The following MACF1 variants were observed in gnomAD, a reference collection of about 807,000 sequenced individuals.
The protein encoded by MACF1 is microtubule actin crosslinking factor 1, also known as microtubule-actin cross-linking factor 1.
In MACF1, 193 loss-of-function variants were observed where a neutral mutation model predicts 854.8. The ratio of observed to expected loss-of-function variants is 0.23; its 90% CI spans 0.20 to 0.25. The LOEUF is 0.25. MACF1 is among the 10% of genes least tolerant of loss of function. MACF1 has a pLI of 1.00. For synonymous variants in MACF1, 3,185 were observed against 3,226.7 expected, an observed-to-expected ratio of 0.99 and a Z score of 0.44; for missense variants, 7,722 against 8,929.1, an observed-to-expected ratio of 0.86 and a Z score of 5.45.
At chr1:39,168,570 C>G (rs1224400143) in intron 2 of MACF1, among the ~76,000 whole-genome samples, 2 of 152,144 alleles carry the variant, frequency 1.3e-5, no homozygotes, top group Non-Finnish European at 2.9e-5. Context: ...CTCAAACTAT[C>G]TTCCCGCCTC....
At chr1:39,149,477 G>A (rs11587807) in intron 2 of MACF1, among the ~76,000 whole-genome samples, 2 of 152,094 alleles carry the variant, frequency 1.3e-5, no homozygotes, top group South Asian at 2.1e-4. Context: ...GCTGTGAGCC[G>A]AGATCGTGCC....
rs557887367 is a variant in MACF1 at position 39,398,427 on chromosome 1, C to T, written c.15816+9769C>T. Among the ~76,000 whole-genome samples, 4 of 152,220 alleles carry T rather than the reference C, an allele frequency of 2.6e-5. No homozygotes were observed. The South Asian group carries it at 6.2e-4, about 24-fold the overall frequency. On this transcript the variant is annotated intron_variant, in intron 58 of 100. Transcript: ENST00000564288. ...GTGCTGGTATTACAGGAATGAGCCA[C>T]AGTGCCTGGCCCAGAGACATTTTTT...
At chr1:39,475,143 A>C (rs1041470617) in intron 97 of MACF1, among the ~76,000 whole-genome samples, 2 of 152,180 alleles carry the variant, frequency 1.3e-5, no homozygotes, top group African/African-American at 4.8e-5. Flanking sequence ...AATTTGGGAG[A>C]TGCCAAGTTA....
chr1:39,120,224 A>G (rs1202692471), intron 2 of MACF1, among the ~76,000 whole-genome samples: 1 of 152,072 alleles, frequency 6.6e-6, no homozygotes, highest in African/African-American at 2.4e-5. Flanking sequence ...TCTATTTCAT[A>G]GAATTTTAAA....
chr1:39,149,658 G>A (rs954264123), intron 2 of MACF1, among the ~76,000 whole-genome samples: 5 of 152,174 alleles, frequency 3.3e-5, no homozygotes, highest in African/African-American at 4.8e-5. Context: ...GCTGTGACAT[G>A]CTCCGGTGGA....
intron 97 of MACF1, among the ~76,000 whole-genome samples, chr1:39,476,415 G>A (rs1022141530): frequency 4.6e-5 from 7 of 151,962 alleles, no homozygotes; most frequent in South Asian, 2.1e-4. Flanking sequence ...CTAAAAATAC[G>A]AAAAATTAGC....
chr1:39,156,122 G>T (rs938803861), intron 2 of MACF1, among the ~76,000 whole-genome samples: 29 of 152,036 alleles, frequency 1.9e-4, no homozygotes, highest in Admixed American at 1.2e-3. Context: ...TGATCCGCCT[G>T]CCTCGGCCTC....
intron 79 of MACF1, 51 bp from the exon 80 acceptor site, chr1:39,444,611 T>G (rs1570105768): frequency 2.6e-6 from 4 of 1,512,976 alleles, no homozygotes; most frequent in Non-Finnish European, 3.6e-6. Flanking sequence ...TATATGTAGG[T>G]GTCTTCCAGA....
At chr1:39,432,031 G>T (rs552937631) in intron 66 of MACF1, among the ~76,000 whole-genome samples, 1 of 152,172 alleles carries the variant, frequency 6.6e-6, no homozygotes, top group South Asian at 2.1e-4. Flanking sequence ...TAACAGTCAC[G>T]TAGAACATGT....
chr1:39,403,388 C>T (rs1273336464), intron 58 of MACF1, among the ~76,000 whole-genome samples: 2 of 152,078 alleles, frequency 1.3e-5, no homozygotes, highest in South Asian at 4.1e-4. Flanking sequence ...TGTGAGCCAC[C>T]ACGCCTGGCC....
intron 21 of MACF1, among the ~76,000 whole-genome samples, chr1:39,298,960 C>T (rs558788159): frequency 3.9e-5 from 6 of 152,144 alleles, no homozygotes; most frequent in South Asian, 2.1e-4. Flanking sequence ...GCGGCGTCAT[C>T]GGGGCATGGA....
At chr1:39,459,812 T>C in intron 91 of MACF1, 1 of 1,303,760 alleles carries the variant, frequency 7.7e-7, no homozygotes, top group Non-Finnish European at 1.0e-6. Flanking sequence ...TTTGTGCATA[T>C]CAAAGCAGCT....
chr1:39,337,393 T>C, intron 38 of MACF1, 62 bp downstream of exon 38: 3 of 1,562,106 alleles, frequency 1.9e-6, no homozygotes, highest in Non-Finnish European at 2.6e-6. Context: ...CCATCTTCCT[T>C]GAAGATTTCA....
chr1:39,266,805 T>C (rs1381443388), intron 6 of MACF1, among the ~76,000 whole-genome samples: 1 of 152,134 alleles, frequency 6.6e-6, no homozygotes, highest in African/African-American at 2.4e-5. Context: ...GTTATAGTCT[T>C]TTCCCATATA....
Position 39,084,491 on chromosome 1 carries a change from G to T in MACF1, c.220+53G>T. ...CGCTGTGGGTGTGAGGGAGGAATGG[G>T]CCAGGGCACAGCAGCTGTGTGGGGA... On this transcript the variant is annotated intron_variant, in intron 2 of 93. Transcript: ENST00000361689. This position sits in a 1 kb window ranked among gnomAD's most constrained non-coding sequence, Gnocchi z 5.2. The T allele has an allele frequency of 6.6e-7, 1 of 1,508,772 alleles. No individual in the cohort carries two copies. The highest frequency in any genetic ancestry group is 9.0e-7 in the Non-Finnish European group (1 of 1,111,370). The allele number at this position is 1,508,772 out of a possible 1,614,324, so 93.5% of individuals were successfully genotyped here.
At chr1:39,147,399 C>T (rs1017118478) in intron 2 of MACF1, among the ~76,000 whole-genome samples, 1 of 144,224 alleles carries the variant, frequency 6.9e-6, no homozygotes, top group South Asian at 2.2e-4. Flanking sequence ...TCTTTCCTTC[C>T]TTCCCTTTTC....
At chr1:39,424,310 C>A in intron 61 of MACF1, 116 bp downstream of exon 61, 1 of 781,960 alleles carries the variant, frequency 1.3e-6, no homozygotes, top group Non-Finnish European at 2.0e-6. Flanking sequence ...TGTTTAATGG[C>A]TTTTATTTGA....
chr1:39,429,792 C>CT, intron 64 of MACF1, 35 bp from the exon 65 acceptor site: 1 of 1,608,430 alleles, frequency 6.2e-7, no homozygotes, highest in South Asian at 1.1e-5. Context: ...TCCTAGGTCT[C>CT]TTAAATATGA....
chr1:39,222,940 A>AT (rs1303302839), intron 1 of MACF1, among the ~76,000 whole-genome samples: 1 of 152,150 alleles, frequency 6.6e-6, no homozygotes, highest in Non-Finnish European at 1.5e-5. Flanking sequence ...AGAACATAGA[A>AT]TTTTGCCCCT....
Sources: gnomAD v4.1 joint callset for allele counts (sites outside exome capture counted in the v4.1 genomes callset) on GRCh38, gnomAD v4.1.1 for gene constraint, Gnocchi (gnomAD v3.1) non-coding constraint, MANE v1.5 for transcripts, NCBI Gene and HGNC (gene_info 2026-07-23, HGNC 2026-07-21) for gene names.